Variants in PLCB4 observed in about 807,000 individuals in gnomAD.
PLCB4 encodes phospholipase C beta 4, also known as 1-phosphatidylinositol 4,5-bisphosphate phosphodiesterase beta-4.
In PLCB4, 77 loss-of-function variants were observed where a neutral mutation model predicts 178.8. The observed-to-expected ratio is 0.43, with a 90% CI of 0.36 to 0.52. The LOEUF is 0.52. PLCB4 is among the 20% of genes least tolerant of loss of function. The pLI, the probability that PLCB4 is intolerant of heterozygous loss-of-function variation, is 0.00. For missense variants in PLCB4, 1,024 were observed against 1,453.4 expected, an observed-to-expected ratio of 0.70 and a Z score of 4.80; for synonymous variants, 496 against 490.8, an observed-to-expected ratio of 1.01 and a Z score of -0.14.
chr20:9,197,560 T>TA (rs1216225069), intron 2 of PLCB4, among the ~76,000 whole-genome samples: 1 of 152,234 alleles, frequency 6.6e-6, no homozygotes, highest in Non-Finnish European at 1.5e-5. Context: ...CTAAAAAATT[T>TA]AAGTTATGCA....
At chr20:9,234,446 G>A (rs781349495) in intron 3 of PLCB4, among the ~76,000 whole-genome samples, 2 of 152,056 alleles carry the variant, frequency 1.3e-5, no homozygotes, top group Admixed American at 1.3e-4. Context: ...ACATGTAGAG[G>A]TTAAGCAAAC....
At chr20:9,319,241 T>G (rs2094933420) in intron 4 of PLCB4, among the ~76,000 whole-genome samples, 2 of 152,190 alleles carry the variant, frequency 1.3e-5, no homozygotes, top group African/African-American at 4.8e-5. Context: ...AAAAATCAAG[T>G]TAATAATTTT....
intron 7 of PLCB4, among the ~76,000 whole-genome samples, chr20:9,355,204 C>G (rs566001860): frequency 6.6e-6 from 1 of 152,152 alleles, no homozygotes; most frequent in Non-Finnish European, 1.5e-5. Flanking sequence ...TAAATACTGA[C>G]AATTTAATGC....
chr20:9,212,622 T>C (rs1226418884), intron 2 of PLCB4, among the ~76,000 whole-genome samples: 4 of 152,216 alleles, frequency 2.6e-5, no homozygotes. Context: ...TGTTTTCTTA[T>C]GGCTTGAAGG....
At chr20:9,167,267 T>TA (rs755010165) in intron 2 of PLCB4, among the ~76,000 whole-genome samples, 113 of 151,124 alleles carry the variant, frequency 7.5e-4, no homozygotes, top group Middle Eastern at 3.4e-3. Context: ...TGAGGTCTAT[T>TA]AAAAAAAAAC....
At chr20:9,419,369 T>A (rs1752048375) in intron 25 of PLCB4, among the ~76,000 whole-genome samples, 3 of 152,186 alleles carry the variant, frequency 2.0e-5, no homozygotes, top group Admixed American at 2.0e-4. Flanking sequence ...ATTTTTGTAC[T>A]TTAGATTATT....
At chr20:9,179,448 G>A (rs945932803) in intron 2 of PLCB4, among the ~76,000 whole-genome samples, 14 of 152,256 alleles carry the variant, frequency 9.2e-5, no homozygotes, top group African/African-American at 3.4e-4. Flanking sequence ...GATTCCTCTA[G>A]AGCCTCCTTA....
intron 28 of PLCB4, among the ~76,000 whole-genome samples, chr20:9,434,555 T>C (rs2148634909): frequency 6.6e-6 from 1 of 152,276 alleles, no homozygotes; most frequent in Middle Eastern, 3.4e-3. Flanking sequence ...TTTGTATTTT[T>C]AGTAAAGACG....
chr20:9,368,781 C>A lies in PLCB4; in HGVS notation c.504-2433C>A, dbSNP rs6056580. On this transcript the variant is annotated intron_variant, in intron 9 of 39. Transcript: ENST00000378473. ...TTGCTGTTTTAGCCACTTGCGAAGT[C>A]CCCCGGAATAGAATTTAACCAGGAC... Among the ~76,000 whole-genome samples the A allele has an allele frequency of 5.1e-3, 781 of 152,222 alleles. 8 individuals are homozygous for A. Among genetic ancestry groups the A allele is most frequent in the African/African-American group, 0.018 (739 of 41,530 alleles).
chr20:9,166,216 T>A (rs2092967882), intron 2 of PLCB4: 1 of 152,070 alleles, frequency 6.6e-6, no homozygotes, highest in Non-Finnish European at 1.5e-5. Context: ...AACAAAGATT[T>A]GTTTTAAGGA....
At chr20:9,130,934 C>A (rs541806585) in intron 2 of PLCB4, among the ~76,000 whole-genome samples, 1 of 152,150 alleles carries the variant, frequency 6.6e-6, no homozygotes, top group African/African-American at 2.4e-5. Context: ...TGAAAGGAAT[C>A]GGAGAGTTTC....
chr20:9,418,566 T>C (rs2040410743), intron 25 of PLCB4, among the ~76,000 whole-genome samples: 1 of 152,136 alleles, frequency 6.6e-6, no homozygotes, highest in African/African-American at 2.4e-5. Flanking sequence ...TGATTAAATC[T>C]TGTAGCTTAG....
chr20:9,295,143 AC>A (rs766593070), intron 3 of PLCB4, among the ~76,000 whole-genome samples: 6 of 152,076 alleles, frequency 3.9e-5, no homozygotes, highest in Non-Finnish European at 5.9e-5. Flanking sequence ...TCTACCTAAA[AC>A]TATACTTAAT....
intron 3 of PLCB4, among the ~76,000 whole-genome samples, chr20:9,287,278 C>G (rs1195634719): frequency 6.6e-6 from 1 of 151,974 alleles, no homozygotes; most frequent in African/African-American, 2.4e-5. Context: ...CATCACTCAA[C>G]TCATGGATGA....
intron 1 of PLCB4, among the ~76,000 whole-genome samples, chr20:9,078,917 C>A (rs2090010550): frequency 1.3e-5 from 2 of 152,126 alleles, no homozygotes; most frequent in Non-Finnish European, 2.9e-5. Context: ...GGATTTAGTC[C>A]TTTCATCTGT....
At chr20:9,180,170 C>T (rs1268833380) in intron 2 of PLCB4, among the ~76,000 whole-genome samples, 1 of 152,094 alleles carries the variant, frequency 6.6e-6, no homozygotes, top group Non-Finnish European at 1.5e-5. Flanking sequence ...ATGTATTGTC[C>T]TAACAATCTT....
At chr20:9,187,482 A>T (rs6039407) in intron 2 of PLCB4, among the ~76,000 whole-genome samples, 18 of 152,292 alleles carry the variant, frequency 1.2e-4, no homozygotes, top group African/African-American at 4.3e-4. Context: ...GGACATAACT[A>T]TGTAAACTTC....
At chr20:9,230,680 A>T (rs554849973) in intron 3 of PLCB4, among the ~76,000 whole-genome samples, 1 of 152,240 alleles carries the variant, frequency 6.6e-6, no homozygotes, top group South Asian at 2.1e-4. Context: ...TCTCTGTTCA[A>T]CTGCCAAGTA....
intron 3 of PLCB4, among the ~76,000 whole-genome samples, chr20:9,234,970 T>C (rs1458077651): frequency 3.3e-5 from 5 of 152,182 alleles, no homozygotes; most frequent in Non-Finnish European, 7.4e-5. Flanking sequence ...TTACTGCAGT[T>C]GCTTAGTAGA....
Sources: gnomAD v4.1 joint callset for allele counts (sites outside exome capture counted in the v4.1 genomes callset) on GRCh38, gnomAD v4.1.1 for gene constraint, MANE v1.5 for transcripts, NCBI Gene and HGNC (gene_info 2026-07-23, HGNC 2026-07-21) for gene names.